The following FBXL7 variants were observed in gnomAD, a reference collection of about 807,000 sequenced individuals.
FBXL7 encodes F-box/LRR-repeat protein 7.
FBXL7 carries 12 observed loss-of-function variants against 38.3 expected under a neutral mutation model. The observed-to-expected ratio is 0.31, with a 90% CI of 0.20 to 0.51. The LOEUF is 0.51. Among genes scored for constraint, FBXL7 ranks in the 20% least tolerant of loss-of-function variants. The pLI, the probability that FBXL7 is intolerant of heterozygous loss-of-function variation, is 0.98. For synonymous variants in FBXL7, 297 were observed against 300.9 expected (o/e 0.99, Z 0.13); for missense variants, 567 against 676.4 (o/e 0.84, Z 1.79).
At chr5:15,706,581 T>C (rs1468783055) in intron 2 of FBXL7, among the ~76,000 whole-genome samples, 1 of 152,160 alleles carries the variant, frequency 6.6e-6, no homozygotes, top group African/African-American at 2.4e-5. Context: ...TTTGTTTTAA[T>C]AGTTCATCAA....
At chr5:15,805,120 C>T (rs552559984) in intron 2 of FBXL7, among the ~76,000 whole-genome samples, 44 of 152,130 alleles carry the variant, frequency 2.9e-4, no homozygotes, top group Non-Finnish European at 5.4e-4. Context: ...CACATTAGAT[C>T]AGGGGCCACG....
chr5:15,930,534 T>C (rs1477655203), intron 3 of FBXL7, among the ~76,000 whole-genome samples: 2 of 152,222 alleles, frequency 1.3e-5, no homozygotes, highest in East Asian at 1.9e-4. Context: ...CCACTTTTGC[T>C]ATTTGGGAAT....
At chr5:15,608,752 C>T (rs888601296) in intron 1 of FBXL7, among the ~76,000 whole-genome samples, 1 of 152,136 alleles carries the variant, frequency 6.6e-6, no homozygotes, top group African/African-American at 2.4e-5. Flanking sequence ...CTAGTATAAC[C>T]CACAGATTCG....
chr5:15,694,904 G>A, intron 2 of FBXL7, among the ~76,000 whole-genome samples: 1 of 152,158 alleles, frequency 6.6e-6, no homozygotes, highest in East Asian at 1.9e-4. Flanking sequence ...GTAAGGTTTT[G>A]ATTTACAGGA....
chr5:15,627,498 T>A (rs1302438710), intron 2 of FBXL7, among the ~76,000 whole-genome samples: 1 of 152,166 alleles, frequency 6.6e-6, no homozygotes, highest in Non-Finnish European at 1.5e-5. Flanking sequence ...CAACACTGAA[T>A]AGGCTCACAA....
intron 2 of FBXL7, among the ~76,000 whole-genome samples, chr5:15,664,565 G>A (rs1399169515): frequency 2.0e-5 from 3 of 147,512 alleles, no homozygotes; most frequent in Non-Finnish European, 3.0e-5. Context: ...TCCGCCTCCC[G>A]GGTTCAAGTG....
intron 2 of FBXL7, among the ~76,000 whole-genome samples, chr5:15,814,729 A>T (rs545882903): frequency 6.6e-6 from 1 of 152,286 alleles, no homozygotes; most frequent in South Asian, 2.1e-4. Flanking sequence ...AATTCCTTTA[A>T]TATGCTACTA....
intron 1 of FBXL7, among the ~76,000 whole-genome samples, chr5:15,560,940 A>G (rs1738398894): frequency 1.3e-5 from 2 of 152,178 alleles, no homozygotes; most frequent in African/African-American, 4.8e-5. Context: ...AAGGTGTACA[A>G]TGTGATGTTT....
chr5:15,638,377 T>C (rs551182179), intron 2 of FBXL7, among the ~76,000 whole-genome samples: 1 of 152,206 alleles, frequency 6.6e-6, no homozygotes, highest in Non-Finnish European at 1.5e-5. Context: ...ATCCCCAGGC[T>C]ATTCAGTGTG....
chr5:15,743,564 T>C (rs1249635477), intron 2 of FBXL7, among the ~76,000 whole-genome samples: 1 of 152,188 alleles, frequency 6.6e-6, no homozygotes, highest in East Asian at 1.9e-4. Flanking sequence ...CAGCTGGCAT[T>C]GAGTGTCTGC....
chr5:15,689,148 T>C (rs1448946727), intron 2 of FBXL7, among the ~76,000 whole-genome samples: 1 of 152,220 alleles, frequency 6.6e-6, no homozygotes, highest in Non-Finnish European at 1.5e-5. Context: ...CTATTGCTGC[T>C]TGCTGAGCTG....
chr5:15,696,436 A>C (rs1416714187), intron 2 of FBXL7, among the ~76,000 whole-genome samples: 1 of 152,130 alleles, frequency 6.6e-6, no homozygotes. Flanking sequence ...ACTGGAACAT[A>C]ACCTGTTTTT....
intron 1 of FBXL7, among the ~76,000 whole-genome samples, chr5:15,516,677 C>G (rs1185425251): frequency 4.0e-5 from 6 of 151,818 alleles, no homozygotes; most frequent in Admixed American, 2.6e-4. Flanking sequence ...TCCCACATGT[C>G]GTGGGAGGGA....
At chr5:15,640,274 T>C (rs993385230) in intron 2 of FBXL7, among the ~76,000 whole-genome samples, 4 of 152,108 alleles carry the variant, frequency 2.6e-5, no homozygotes, top group African/African-American at 9.7e-5. Flanking sequence ...TCTCAGCCTC[T>C]TTTGGTTCCC....
intron 2 of FBXL7, among the ~76,000 whole-genome samples, chr5:15,849,938 G>A (rs1226035507): frequency 6.6e-6 from 1 of 152,070 alleles, no homozygotes; most frequent in Non-Finnish European, 1.5e-5. Context: ...ATACAGATGA[G>A]AAAACTGAAG....
intron 1 of FBXL7, among the ~76,000 whole-genome samples, chr5:15,521,589 T>C (rs1002749138): frequency 6.6e-6 from 1 of 152,202 alleles, no homozygotes; most frequent in African/African-American, 2.4e-5. Flanking sequence ...ATGCTTTCAC[T>C]TTGGGAAACA....
chr5:15,771,494 A>T (rs1736725997), intron 2 of FBXL7, among the ~76,000 whole-genome samples: 1 of 152,220 alleles, frequency 6.6e-6, no homozygotes, highest in Admixed American at 6.5e-5. Context: ...GAAATCTGAG[A>T]TATAATCATC....
At chr5:15,775,576 G>A (rs1385007541) in intron 2 of FBXL7, among the ~76,000 whole-genome samples, 1 of 152,016 alleles carries the variant, frequency 6.6e-6, no homozygotes, top group Non-Finnish European at 1.5e-5. Flanking sequence ...AATGGAATGG[G>A]AATTAGGAAT....
In FBXL7 at chr5:15,611,311, C is replaced by CTT. The variant is rs61608325; in HGVS notation, c.38-4656_38-4655dup. Among the ~76,000 whole-genome samples, 318 of 128,160 alleles carry CTT rather than the reference C, an allele frequency of 2.5e-3. 3 individuals are homozygous for CTT. The East Asian group carries it at 0.036, about 15-fold the overall frequency. The allele number at this position is 128,160 out of a possible 152,430, so 84.1% of individuals were successfully genotyped here. A position where few individuals can be genotyped will look rare whatever the true frequency, so the allele number is the denominator to read the frequency against. ...TCTTTTTGGGGTCCATGTTTTGCCA[C>CTT]TTTTTTTTTTTTTTTTTGCTTTTTG... On this transcript the variant is annotated intron_variant, in intron 1 of 3. Coordinates refer to ENST00000504595, the MANE Select transcript of FBXL7 (RefSeq NM_012304.5).
Sources: gnomAD v4.1 joint callset for allele counts (sites outside exome capture counted in the v4.1 genomes callset) on GRCh38, gnomAD v4.1.1 for gene constraint, MANE v1.5 for transcripts, NCBI Gene and HGNC (gene_info 2026-07-23, HGNC 2026-07-21) for gene names.